The following FRMD4A variants were observed in gnomAD, a reference collection of about 807,000 sequenced individuals.
FRMD4A encodes FERM domain-containing protein 4A.
A neutral mutation model predicts 129.1 loss-of-function variants in FRMD4A; 29 were observed. The observed-to-expected ratio is 0.22, with a 90% CI of 0.17 to 0.31. The LOEUF (loss-of-function observed/expected upper bound fraction) is 0.31, where lower values mean the gene tolerates loss of function less well. Among genes scored for constraint, FRMD4A ranks in the 10% least tolerant of loss-of-function variants. The pLI, the probability that FRMD4A is intolerant of heterozygous loss-of-function variation, is 1.00. For missense variants in FRMD4A, 1,272 were observed against 1,375.8 expected (o/e 0.92, Z 1.19); for synonymous variants, 634 against 571.6 (o/e 1.11, Z -1.56).
At chr10:14,006,290 T>C (rs559909761) in intron 2 of FRMD4A, among the ~76,000 whole-genome samples, 93 of 152,252 alleles carry the variant, frequency 6.1e-4, no homozygotes, top group Non-Finnish European at 9.4e-4. Flanking sequence ...ATTCAGACCA[T>C]ACTCATGTTA....
rs538514609 is a variant in FRMD4A, at chr10:14,101,955, G to A, written c.45+228103C>T. On this transcript the variant is annotated intron_variant, in intron 2 of 24. Transcript: ENST00000357447. ...GACCATCATTACTCAGTTATTTATA[G>A]AACTTAATGAAAAAAATTAAGCTGC... Among the ~76,000 whole-genome samples the A allele has an allele frequency of 6.6e-5, 10 of 152,212 alleles. No homozygotes were observed. In the South Asian group the frequency reaches 2.1e-3, roughly 32 times the overall value.
At position 13,883,467 on chromosome 10, in the gene FRMD4A, G is replaced by A. The variant is rs1564968502; in HGVS notation, c.46-24555C>T. 3.9e-5 allele frequency among the ~76,000 whole-genome samples: 6 copies of A among 152,160 alleles called. No individual in the cohort carries two copies. The South Asian group carries it at 1.0e-3, about 26-fold the overall frequency. ...ACATTGCACCACTGCACTCCAGCCT[G>A]GGTGACAGGGTGAGACTTTGTCTCA... On this transcript the variant is annotated intron_variant, in intron 2 of 24. Coordinates refer to ENST00000357447, the MANE Select transcript of FRMD4A (RefSeq NM_018027.5).
intron 2 of FRMD4A, among the ~76,000 whole-genome samples, chr10:14,112,392 G>A (rs1021797997): frequency 2.0e-5 from 3 of 152,110 alleles, no homozygotes; most frequent in South Asian, 2.1e-4. Context: ...AGTTTGCGGC[G>A]GTCTCGATGT....
intron 2 of FRMD4A, among the ~76,000 whole-genome samples, chr10:14,171,671 ATGATTTAGAC>A (rs1841483871): frequency 6.6e-6 from 1 of 152,246 alleles, no homozygotes; most frequent in Non-Finnish European, 1.5e-5. Context: ...TTAAGCACCC[ATGATTTAGAC>A]TGGTTAAGTC....
rs185613556 is a variant in FRMD4A, at chr10:13,935,140, A to C, written c.46-76228T>G. On this transcript the variant is annotated intron_variant, in intron 2 of 24. Transcript: ENST00000357447. Reference sequence around the variant, plus strand: ...AGATTAGAGCAGCAGTCCTCATTTTAGAACTGAAAACAAATGGGCTGGGTG... The same window carrying C: ...AGATTAGAGCAGCAGTCCTCATTTTCGAACTGAAAACAAATGGGCTGGGTG... 1.1e-3 allele frequency among the ~76,000 whole-genome samples: 166 copies of C among 152,276 alleles called. 1 individual carries two copies. The highest frequency in any genetic ancestry group is 3.9e-3 in the African/African-American group (162 of 41,558).
chr10:14,274,301 C>T (rs919828980), intron 2 of FRMD4A, among the ~76,000 whole-genome samples: 1 of 152,160 alleles, frequency 6.6e-6, no homozygotes, highest in African/African-American at 2.4e-5. Context: ...ATTACGATCA[C>T]CATGAACATT....
intron 2 of FRMD4A, among the ~76,000 whole-genome samples, chr10:14,020,697 C>G (rs1832705026): frequency 6.6e-6 from 1 of 151,704 alleles, no homozygotes. Flanking sequence ...AGAGGCCATG[C>G]TAGGGAAGCC....
chr10:14,075,703 T>C (rs1835551238), intron 2 of FRMD4A, among the ~76,000 whole-genome samples: 1 of 152,102 alleles, frequency 6.6e-6, no homozygotes, highest in Non-Finnish European at 1.5e-5. Context: ...TATATCCATA[T>C]GCTGTATAGT....
chr10:14,082,392 G>C (rs1452035063), intron 2 of FRMD4A, among the ~76,000 whole-genome samples: 1 of 152,162 alleles, frequency 6.6e-6, no homozygotes, highest in African/African-American at 2.4e-5. Flanking sequence ...TACTTAAGTA[G>C]GTTGATGGAA....
intron 2 of FRMD4A, among the ~76,000 whole-genome samples, chr10:14,114,321 C>T (rs1838086919): frequency 6.6e-6 from 1 of 152,152 alleles, no homozygotes; most frequent in East Asian, 1.9e-4. Context: ...CTCATTTGAG[C>T]CAGCTGGGGT....
Position 14,253,618 on chromosome 10 carries a change from A to G in FRMD4A, c.45+76440T>C, listed in dbSNP as rs79786342. On this transcript the variant is annotated intron_variant, in intron 2 of 24. Coordinates refer to ENST00000357447, the MANE Select transcript of FRMD4A (RefSeq NM_018027.5). ...CTGCTTAATAGAAATAAATGCTTCAATTGCTCATTCACTTAAAACTCTCCC... is the reference window on the plus strand; with the variant it reads ...CTGCTTAATAGAAATAAATGCTTCAGTTGCTCATTCACTTAAAACTCTCCC... 9.5e-3 allele frequency among the ~76,000 whole-genome samples: 1,445 copies of G among 152,306 alleles called. 26 individuals carry two copies. The highest frequency in any genetic ancestry group is 0.033 in the African/African-American group (1,384 of 41,564).
intron 3 of FRMD4A, among the ~76,000 whole-genome samples, chr10:13,837,067 T>C (rs60515559): frequency 0.047 from 6,936 of 147,232 alleles, 260 homozygotes; most frequent in African/African-American, 0.094. Flanking sequence ...GGTTCCTCAG[T>C]GGTTCTTAAG....
intron 15 of FRMD4A, among the ~76,000 whole-genome samples, chr10:13,681,287 G>A (rs1271451022): frequency 6.6e-6 from 1 of 152,132 alleles, no homozygotes; most frequent in Non-Finnish European, 1.5e-5. Flanking sequence ...GTGCCTAAAG[G>A]ATTTACTGCT....
chr10:13,842,721 A>G (rs1413528243), intron 3 of FRMD4A, among the ~76,000 whole-genome samples: 1 of 152,208 alleles, frequency 6.6e-6, no homozygotes, highest in Non-Finnish European at 1.5e-5. Context: ...TAAACTTTCA[A>G]TAAAGCTAAA....
At chr10:14,309,920 C>T (rs1290580506) in intron 2 of FRMD4A, among the ~76,000 whole-genome samples, 1 of 151,996 alleles carries the variant, frequency 6.6e-6, no homozygotes, top group African/African-American at 2.4e-5. Context: ...GCCTGAGTCC[C>T]CCACCGTCCC....
intron 12 of FRMD4A, chr10:13,729,428 G>T (rs1206353800): frequency 1.3e-5 from 2 of 152,212 alleles, no homozygotes; most frequent in African/African-American, 4.8e-5. Context: ...AATCCGCGGC[G>T]CACTCGGCAG....
chr10:13,656,587 G>A, intron 22 of FRMD4A, 49 bp downstream of exon 22: 1 of 1,342,582 alleles, frequency 7.4e-7, no homozygotes. Flanking sequence ...ACACCGGCAA[G>A]CAGTTCGCCC....
At chr10:13,916,744 G>A (rs917244210) in intron 2 of FRMD4A, among the ~76,000 whole-genome samples, 1 of 152,102 alleles carries the variant, frequency 6.6e-6, no homozygotes, top group South Asian at 2.1e-4. Flanking sequence ...TCATGCTGAC[G>A]TCAGCACCTC....
chr10:13,701,998 A>G (rs1486751874), intron 13 of FRMD4A, among the ~76,000 whole-genome samples: 1 of 152,152 alleles, frequency 6.6e-6, no homozygotes, highest in Non-Finnish European at 1.5e-5. Context: ...GAGGGCAGGG[A>G]GGGTATAAAG....
Sources: allele counts gnomAD v4.1 joint callset (sites outside exome capture counted in the v4.1 genomes callset), GRCh38; gene constraint gnomAD v4.1.1; transcripts MANE v1.5; gene names NCBI Gene and HGNC (gene_info 2026-07-23, HGNC 2026-07-21).